NINL: variants seen among roughly 807,000 people sequenced by gnomAD.
NINL encodes the protein ninein like.
NINL carries 153 observed loss-of-function variants against 160.3 expected under a neutral mutation model. That is an observed-to-expected ratio of 0.95 (90% CI 0.84 to 1.09). The LOEUF (loss-of-function observed/expected upper bound fraction) is 1.09. NINL is among the 50% of genes least tolerant of loss of function. The probability of loss-of-function intolerance (pLI) is 0.00; values close to 1 mark genes in which losing one functional copy is unlikely to be tolerated. For missense variants in NINL, 1,829 were observed against 1,764.0 expected (o/e 1.04, Z -0.66); for synonymous variants, 800 against 734.8 (o/e 1.09, Z -1.43).
At chr20:25,550,589 G>T (rs796922743) in intron 1 of NINL, among the ~76,000 whole-genome samples, 14 of 152,236 alleles carry the variant, frequency 9.2e-5, no homozygotes, top group African/African-American at 3.4e-4. Context: ...CAGGGAGAGG[G>T]TCAGCAGGAA....
intron 1 of NINL, among the ~76,000 whole-genome samples, chr20:25,543,308 G>C (rs1213489083): frequency 3.3e-5 from 5 of 152,154 alleles, no homozygotes; most frequent in African/African-American, 1.2e-4. Flanking sequence ...CCAGCACTTT[G>C]GGAGGCTAAG....
intron 1 of NINL, among the ~76,000 whole-genome samples, chr20:25,548,559 C>A (rs1368381823): frequency 6.6e-6 from 1 of 151,886 alleles, no homozygotes; most frequent in East Asian, 1.9e-4. Context: ...CCACGGCTGA[C>A]CCCGGCACCC....
At chr20:25,466,835 AGT>A (rs1202390659) in intron 19 of NINL, among the ~76,000 whole-genome samples, 1 of 152,132 alleles carries the variant, frequency 6.6e-6, no homozygotes, top group Non-Finnish European at 1.5e-5. Context: ...GTGTCCAGGC[AGT>A]GTTTGACACC....
chr20:25,569,668 C>T (rs1445446916), intron 1 of NINL, among the ~76,000 whole-genome samples: 6 of 152,172 alleles, frequency 3.9e-5, no homozygotes, highest in Non-Finnish European at 8.8e-5. Flanking sequence ...CCTGAGAGGC[C>T]GACGACTGGT....
intron 1 of NINL, among the ~76,000 whole-genome samples, chr20:25,573,217 A>C (rs2065074793): frequency 2.0e-5 from 3 of 151,912 alleles, no homozygotes; most frequent in African/African-American, 7.3e-5. Context: ...GAATTGCTTG[A>C]ACCTGGGAGG....
chr20:25,554,789 A>G (rs1216104540), intron 1 of NINL, among the ~76,000 whole-genome samples: 2 of 152,150 alleles, frequency 1.3e-5, no homozygotes, highest in Non-Finnish European at 2.9e-5. Flanking sequence ...CTTGAGTGAC[A>G]GAGCAAAACC....
At chr20:25,459,336 C>T (rs914819430) in intron 21 of NINL, among the ~76,000 whole-genome samples, 105 of 152,240 alleles carry the variant, frequency 6.9e-4, no homozygotes, top group African/African-American at 2.5e-3. Context: ...TGCACTGACT[C>T]AGCCGAGCTG....
intron 5 of NINL, among the ~76,000 whole-genome samples, chr20:25,505,558 A>G (rs137992906): frequency 6.6e-6 from 1 of 152,350 alleles, no homozygotes; most frequent in Non-Finnish European, 1.5e-5. Flanking sequence ...AGATCATCAC[A>G]TTGTACACCT....
Position 25,484,708 on chromosome 20 carries a change from A to G in NINL, c.1678-2608T>C, listed in dbSNP as rs148918030. On this transcript the variant is annotated intron_variant, in intron 13 of 23. Coordinates refer to ENST00000278886, the MANE Select transcript of NINL (RefSeq NM_025176.6). ...TGAGTAGAATGCCAATGGCATGGAC[A>G]GATGTGGAGGGGCTGCTAAGCAGGA... Among the ~76,000 whole-genome samples the G allele has an allele frequency of 1.4e-3, 208 of 152,366 alleles. 1 individual carries two copies. Among genetic ancestry groups the G allele is most frequent in the African/African-American group, 4.7e-3 (196 of 41,592 alleles).
At chr20:25,560,889 TG>T (rs1410618781) in intron 1 of NINL, among the ~76,000 whole-genome samples, 2 of 151,772 alleles carry the variant, frequency 1.3e-5, no homozygotes, top group South Asian at 4.2e-4. Flanking sequence ...CATTCTCAGA[TG>T]AAAAAAAACA....
At chr20:25,459,911 T>C (rs746043383) in intron 21 of NINL, among the ~76,000 whole-genome samples, 1 of 152,108 alleles carries the variant, frequency 6.6e-6, no homozygotes, top group Non-Finnish European at 1.5e-5. Context: ...AGGGGAGCAC[T>C]GGAAACAAGG....
At position 25,489,778 on chromosome 20, in the gene NINL, T is replaced by C. The variant is rs1404131071; in HGVS notation, c.1596+97A>G. On this transcript the variant is annotated intron_variant, in intron 12 of 23. Coordinates refer to ENST00000278886, the MANE Select transcript of NINL (RefSeq NM_025176.6). ...TAAATTTTAGGAGAATACCGCATTC[T>C]GTGACCTGCCGCATCTCTCCCTGGC... The C allele has an allele frequency of 4.3e-6, 4 of 922,522 alleles. No homozygotes were observed. The East Asian group carries it at 7.2e-5, about 17-fold the overall frequency. The allele number at this position is 922,522 out of a possible 1,614,324, so 57.1% of individuals were successfully genotyped here. A position where few individuals can be genotyped will look rare whatever the true frequency, so the allele number is the denominator to read the frequency against.
chr20:25,540,971 TTTA>T (rs1482606879), intron 1 of NINL, among the ~76,000 whole-genome samples: 1 of 152,190 alleles, frequency 6.6e-6, no homozygotes, highest in Non-Finnish European at 1.5e-5. Context: ...AAGAAGCTTT[TTTA>T]TTGTTTCAGT....
intron 17 of NINL, among the ~76,000 whole-genome samples, chr20:25,475,779 G>C (rs1369523388): frequency 6.6e-6 from 1 of 152,196 alleles, no homozygotes; most frequent in Non-Finnish European, 1.5e-5. Flanking sequence ...AGAATATCTT[G>C]AACCCGGAAG....
intron 13 of NINL, among the ~76,000 whole-genome samples, chr20:25,487,108 C>T (rs1383030708): frequency 6.6e-6 from 1 of 152,128 alleles, no homozygotes. Context: ...CATCACCACC[C>T]AAGGTAACTA....
At position 25,491,357 on chromosome 20, in the gene NINL, G is replaced by T; in HGVS notation, c.1479C>A (p.Ala493=). ...GCCCTGGGGATGCCCCTACCTTCAG[G>T]GCCAGGGTCAGCTTCTCGCGGAGGC... ...EAGLREKLTL[A]LKENSRLQKE... Residue 493 remains alanine (A), a synonymous_variant, in exon 11 of 24, where the codon GCC becomes GCA. Transcript: ENST00000278886. 1 of 1,607,370 alleles carries T rather than the reference G, an allele frequency of 6.2e-7. No individual in the cohort carries two copies.
chr20:25,579,602 G>A (rs572705587), intron 1 of NINL, among the ~76,000 whole-genome samples: 1 of 152,120 alleles, frequency 6.6e-6, no homozygotes, highest in Non-Finnish European at 1.5e-5. Flanking sequence ...ACAGCCGGGG[G>A]AGGCCTCCTG....
intron 1 of NINL, among the ~76,000 whole-genome samples, chr20:25,537,083 C>T (rs2064570307): frequency 6.6e-6 from 1 of 152,056 alleles, no homozygotes; most frequent in Non-Finnish European, 1.5e-5. Flanking sequence ...TTTTTTTAAA[C>T]TTTCTGACTT....
chr20:25,519,066 C>T (rs1389284278), intron 2 of NINL, among the ~76,000 whole-genome samples: 1 of 139,310 alleles, frequency 7.2e-6, no homozygotes, highest in Non-Finnish European at 1.5e-5. Flanking sequence ...CATTGCACTC[C>T]AGCCTAGGCA....
Sources: gnomAD v4.1 joint callset for allele counts (sites outside exome capture counted in the v4.1 genomes callset) on GRCh38, gnomAD v4.1.1 for gene constraint, MANE v1.5 for transcripts, NCBI Gene and HGNC (gene_info 2026-07-23, HGNC 2026-07-21) for gene names.